PPFIBP1: variants seen among roughly 807,000 people sequenced by gnomAD.
PPFIBP1 encodes the protein liprin-beta-1.
Under a neutral mutation model 137.8 loss-of-function variants are expected in PPFIBP1, and 112 were observed. The observed-to-expected ratio is 0.81, with a 90% confidence interval of 0.70 to 0.95. The LOEUF (loss-of-function observed/expected upper bound fraction) is 0.95, where lower values mean the gene tolerates loss of function less well. Among genes scored for constraint, PPFIBP1 ranks in the 40% least tolerant of loss-of-function variants. The pLI is 0.00. For synonymous variants in PPFIBP1, 378 were observed against 417.3 expected (o/e 0.91, Z 1.15); for missense variants, 1,083 against 1,196.6 (o/e 0.91, Z 1.40).
At position 27,670,788 on chromosome 12, in the gene PPFIBP1, A is replaced by T. The variant is rs5020614; in HGVS notation, c.1147-643A>T. Among the ~76,000 whole-genome samples the T allele has an allele frequency of 9.0e-3, 1,203 of 134,270 alleles. 15 individuals are homozygous for T. The highest frequency in any genetic ancestry group is 0.045 in the Middle Eastern group (12 of 268). 88.1% of individuals were successfully genotyped at this position (134,270 alleles called of 152,430 possible). On this transcript the variant is annotated intron_variant, in intron 13 of 29. Transcript: ENST00000228425. ...AGTGAGACCCTGTCTCAAAAAAAAAAAAAAAAAATAATAATAATAATAATA... is the reference window on the plus strand; with the variant it reads ...AGTGAGACCCTGTCTCAAAAAAAAATAAAAAAAATAATAATAATAATAATA...
intron 2 of PPFIBP1, among the ~76,000 whole-genome samples, chr12:27,629,777 A>T (rs1279695281): frequency 6.6e-6 from 1 of 152,210 alleles, no homozygotes; most frequent in Non-Finnish European, 1.5e-5. Context: ...CTTTGTCAAC[A>T]CAGATGCCTG....
intron 1 of PPFIBP1, among the ~76,000 whole-genome samples, chr12:27,564,212 A>G (rs2049441180): frequency 6.6e-6 from 1 of 152,202 alleles, no homozygotes; most frequent in Non-Finnish European, 1.5e-5. Context: ...TGAGACAGTG[A>G]GAAATTACTT....
intron 4 of PPFIBP1, among the ~76,000 whole-genome samples, chr12:27,638,573 C>G (rs908596667): frequency 5.9e-5 from 9 of 152,168 alleles, no homozygotes; most frequent in Non-Finnish European, 1.3e-4. Flanking sequence ...CTAACATATG[C>G]TGAGCACTTA....
chr12:27,591,603 C>G (rs900256868), intron 2 of PPFIBP1, among the ~76,000 whole-genome samples: 1 of 152,168 alleles, frequency 6.6e-6, no homozygotes, highest in Non-Finnish European at 1.5e-5. Flanking sequence ...GAGAGTTCCT[C>G]AGGAGAATGT....
At chr12:27,661,004 C>G in intron 11 of PPFIBP1, 59 bp downstream of exon 11, 1 of 1,592,898 alleles carries the variant, frequency 6.3e-7, no homozygotes, top group Non-Finnish European at 8.6e-7. Context: ...TTTGACCATT[C>G]CATGCAATTT....
chr12:27,668,839 T>C (rs909428796), intron 13 of PPFIBP1, among the ~76,000 whole-genome samples: 2 of 152,298 alleles, frequency 1.3e-5, no homozygotes, highest in Middle Eastern at 3.4e-3. Context: ...GTATTTTTTT[T>C]TCTATTTTTA....
intron 2 of PPFIBP1, among the ~76,000 whole-genome samples, chr12:27,624,761 G>A (rs751675068): frequency 6.6e-6 from 1 of 152,152 alleles, no homozygotes; most frequent in Non-Finnish European, 1.5e-5. Context: ...GCATGTGTGT[G>A]TTTGTATTTG....
chr12:27,646,406 TTC>T, intron 5 of PPFIBP1: 14 of 430,184 alleles, frequency 3.3e-5, no homozygotes, highest in Middle Eastern at 6.0e-4. Flanking sequence ...GTCTGATCTG[TTC>T]TTTTTTTTTT....
chr12:27,567,663 A>G (rs2049798198), intron 1 of PPFIBP1, among the ~76,000 whole-genome samples: 3 of 152,192 alleles, frequency 2.0e-5, no homozygotes, highest in Non-Finnish European at 4.4e-5. Flanking sequence ...ATGTTGGTAC[A>G]TCTTTGACAT....
At chr12:27,584,913 G>A (rs73078262) in intron 2 of PPFIBP1, among the ~76,000 whole-genome samples, 32,717 of 152,158 alleles carry the variant, frequency 0.22, 3,625 homozygotes, top group Middle Eastern at 0.27. Context: ...GAAAGAGCAG[G>A]GGGAATTCTT....
chr12:27,539,488 T>C (rs1314305393), intron 1 of PPFIBP1, among the ~76,000 whole-genome samples: 3 of 152,226 alleles, frequency 2.0e-5, no homozygotes, highest in Non-Finnish European at 4.4e-5. Flanking sequence ...GTTTTGACTA[T>C]CAAATTCCCA....
chr12:27,551,369 G>T (rs1437917664), intron 1 of PPFIBP1, among the ~76,000 whole-genome samples: 1 of 152,146 alleles, frequency 6.6e-6, no homozygotes, highest in Non-Finnish European at 1.5e-5. Context: ...CTATGTTACT[G>T]ACCTCCACTA....
At chr12:27,650,274 C>T (rs1593136345) in intron 7 of PPFIBP1, 133 bp downstream of exon 7, 1 of 580,054 alleles carries the variant, frequency 1.7e-6, no homozygotes, top group Non-Finnish European at 2.7e-6. Flanking sequence ...TTACTACGTA[C>T]CATCATCCTA....
At chr12:27,637,693 G>A (rs1489798375) in intron 4 of PPFIBP1, among the ~76,000 whole-genome samples, 2 of 152,132 alleles carry the variant, frequency 1.3e-5, no homozygotes, top group Non-Finnish European at 2.9e-5. Context: ...AAGAAGAAGA[G>A]AGGAGGGCTG....
rs769024810 is a variant in PPFIBP1 at position 27,674,271 on chromosome 12, A to G, written c.1410+50A>G. On this transcript the variant is annotated intron_variant, in intron 17 of 29. Transcript: ENST00000228425. ...GCAAAAATATTTCTACTTCCATTAC[A>G]TGTAAATTGCTTAAATGTCTCCAGT... 16 of 1,448,114 alleles carry G rather than the reference A, an allele frequency of 1.1e-5. No individual in the cohort carries two copies. In the South Asian group the frequency reaches 1.6e-4, roughly 15 times the overall value. The allele number at this position is 1,448,114 out of a possible 1,614,324, so 89.7% of individuals were successfully genotyped here. A position where few individuals can be genotyped will look rare whatever the true frequency, so the allele number is the denominator to read the frequency against.
intron 1 of PPFIBP1, 47 bp from the exon 2 acceptor site, chr12:27,578,105 A>T (rs1374083867): frequency 6.6e-6 from 1 of 152,042 alleles, no homozygotes; most frequent in Non-Finnish European, 1.5e-5. Context: ...ATTTTTTCTG[A>T]TGTGCTATAA....
chr12:27,683,046 A>G (rs907644792), intron 24 of PPFIBP1, among the ~76,000 whole-genome samples: 6 of 152,166 alleles, frequency 3.9e-5, no homozygotes, highest in African/African-American at 1.4e-4. Context: ...TATGCAAATT[A>G]TATCTCATAA....
chr12:27,693,051 G>A lies in PPFIBP1; in HGVS notation c.*169G>A, dbSNP rs1179805694. 1.7e-5 allele frequency: 19 copies of A among 1,093,870 alleles called. No homozygotes were observed. The East Asian group carries it at 5.3e-4, about 30-fold the overall frequency. The allele number at this position is 1,093,870 out of a possible 1,614,324, so 67.8% of individuals were successfully genotyped here. A position where few individuals can be genotyped will look rare whatever the true frequency, so the allele number is the denominator to read the frequency against. ...GGAGTAATGTGCCGATTCTGAAGTT[G>A]CCACAAAAAATAAGACACTGGTGAA... On this transcript the variant is annotated 3_prime_UTR_variant, in exon 30 of 30. Coordinates refer to ENST00000228425, the MANE Select transcript of PPFIBP1 (RefSeq NM_003622.4).
Position 27,659,405 on chromosome 12 carries a change from G to A in PPFIBP1, c.844+557G>A, listed in dbSNP as rs368501130. On this transcript the variant is annotated intron_variant, in intron 10 of 29. Transcript: ENST00000228425. ...GGGAGGATCACTTTTGAGGCCAGGG[G>A]TTCAAGACCAGCCTGGGCAACATAG... Among the ~76,000 whole-genome samples, 126 of 151,734 alleles carry A rather than the reference G, an allele frequency of 8.3e-4. 2 individuals are homozygous for A. In the South Asian group the frequency reaches 0.026, roughly 31 times the overall value.
Sources: gnomAD v4.1 joint callset for allele counts (sites outside exome capture counted in the v4.1 genomes callset) on GRCh38, gnomAD v4.1.1 for gene constraint, MANE v1.5 for transcripts, NCBI Gene and HGNC (gene_info 2026-07-23, HGNC 2026-07-21) for gene names.